The following JUP variants were observed in gnomAD, a reference collection of about 807,000 sequenced individuals.
JUP encodes catenin (cadherin-associated protein), gamma 80kDa.
Under a neutral mutation model 71.1 loss-of-function variants are expected in JUP, and 28 were observed. The observed-to-expected ratio is 0.39, with a 90% CI of 0.29 to 0.54. The LOEUF (loss-of-function observed/expected upper bound fraction) is 0.54, where lower values mean the gene tolerates loss of function less well. JUP is among the 20% of genes least tolerant of loss of function. The pLI is 0.62. For synonymous variants in JUP, 401 were observed against 438.9 expected (o/e 0.91, Z 1.08); for missense variants, 869 against 1,030.1 (o/e 0.84, Z 2.14).
chr17:41,783,914 A>G lies in JUP; in HGVS notation c.-9+2674T>C, dbSNP rs1019579246. Among the ~76,000 whole-genome samples, 517 of 140,150 alleles carry G rather than the reference A, an allele frequency of 3.7e-3. 2 individuals carry two copies. The highest frequency in any genetic ancestry group is 0.012 in the African/African-American group (481 of 39,200). The allele number at this position is 140,150 out of a possible 152,430, so 91.9% of individuals were successfully genotyped here. Reference sequence around the variant, plus strand: ...ATCTCAAAAAAAAAAAAAAAAAAAAAAAAGAAAGTGCTTGGTTTCTGTAAA... The same window carrying G: ...ATCTCAAAAAAAAAAAAAAAAAAAAGAAAGAAAGTGCTTGGTTTCTGTAAA... On this transcript the variant is annotated intron_variant, in intron 1 of 13. Transcript: ENST00000393931.
chr17:41,761,121 G>A (rs1403520650), intron 8 of JUP, among the ~76,000 whole-genome samples: 3 of 152,106 alleles, frequency 2.0e-5, no homozygotes, highest in African/African-American at 7.2e-5. Flanking sequence ...GTGACACACA[G>A]CTAGCTCTCT....
rs1555599852 is a variant in JUP, at chr17:41,758,851, C to T, written c.1517G>A (p.Arg506Lys). The T allele has an allele frequency of 6.2e-7, 1 of 1,607,964 alleles. No homozygotes were observed. The highest frequency in any genetic ancestry group is 1.7e-5 in the Admixed American group (1 of 59,754). ...GTTGGCTGGGCACAGGGCCAGATTC[C>T]TGATCAAGCCGATGGTTGCCTGGCA... is the stretch of plus-strand genomic sequence containing the variant. ...PLVKATIGLI[R>K]NLALCPANHA... The change falls in exon 9 of 14, where the codon AGG becomes AAG. Residue 506 changes from arginine (R) to lysine (K), a missense_variant. By Grantham distance (26) the Arg-to-Lys change is conservative. Coordinates refer to ENST00000393931, the MANE Select transcript of JUP (RefSeq NM_002230.4).
rs782084645 is a variant in JUP, at chr17:41,755,733, G to A, written c.*11C>T. 2 of 1,571,734 alleles carry A rather than the reference G, an allele frequency of 1.3e-6. No individual in the cohort carries two copies. The highest frequency in any genetic ancestry group is 1.7e-6 in the Non-Finnish European group (2 of 1,155,004). On this transcript the variant is annotated 3_prime_UTR_variant, in exon 14 of 14. Coordinates refer to ENST00000393931, the MANE Select transcript of JUP (RefSeq NM_002230.4). ...GCCTGCAAAGAGGGGGCCGTACTGG[G>A]GCCAGGCCGCCTAGGCCAGCATGTG...
chr17:41,763,576 G>A (rs894329122), intron 7 of JUP, among the ~76,000 whole-genome samples: 12 of 152,150 alleles, frequency 7.9e-5, no homozygotes, highest in South Asian at 2.1e-4. Context: ...CTGAACCCAG[G>A]CTTGGCTCTA....
At chr17:41,761,753 C>CA (rs1180310607) in intron 8 of JUP, among the ~76,000 whole-genome samples, 4,024 of 76,724 alleles carry the variant, frequency 0.052, 190 homozygotes, top group African/African-American at 0.15. Flanking sequence ...AACTCCGTCT[C>CA]AAAAAAAAAA....
intron 13 of JUP, 113 bp from the exon 14 acceptor site, chr17:41,756,008 C>T: frequency 7.8e-7 from 1 of 1,277,768 alleles, no homozygotes. Context: ...GTGGGCCTGA[C>T]CCCTCCCCAG....
chr17:41,760,218 C>T (rs1914574254), intron 8 of JUP, among the ~76,000 whole-genome samples: 1 of 151,682 alleles, frequency 6.6e-6, no homozygotes, highest in Non-Finnish European at 1.5e-5. Context: ...CACTTAGAGT[C>T]ATTCTTATCT....
At chr17:41,773,564 A>G (rs1381990231) in intron 1 of JUP, among the ~76,000 whole-genome samples, 1 of 152,152 alleles carries the variant, frequency 6.6e-6, no homozygotes, top group East Asian at 1.9e-4. Flanking sequence ...CAGGCATTCG[A>G]AAGTGTAGCT....
chr17:41,772,830 G>A (rs1288358562), intron 1 of JUP: 2 of 985,364 alleles, frequency 2.0e-6, no homozygotes, highest in Non-Finnish European at 2.4e-6. Context: ...GAAGGTTAAT[G>A]AGTAGCAGGG....
intron 2 of JUP, among the ~76,000 whole-genome samples, chr17:41,770,896 G>GAAT (rs1465584473): frequency 6.6e-6 from 1 of 152,210 alleles, no homozygotes; most frequent in Non-Finnish European, 1.5e-5. Context: ...ACCCAAAGGG[G>GAAT]AATCCCTGGG....
chr17:41,761,081 C>G (rs1914732999), intron 8 of JUP, among the ~76,000 whole-genome samples: 1 of 152,140 alleles, frequency 6.6e-6, no homozygotes, highest in Admixed American at 6.6e-5. Flanking sequence ...ACACCCTGAC[C>G]CACTCTCACT....
intron 1 of JUP, chr17:41,785,881 C>A (rs2047433431): frequency 1.2e-5 from 1 of 84,098 alleles, no homozygotes; most frequent in Non-Finnish European, 2.8e-5. Flanking sequence ...GAGCCCTGCA[C>A]CCCCCAGTCA....
chr17:41,767,646 A>G (rs1915945473), intron 4 of JUP, 66 bp from the exon 5 acceptor site: 1 of 1,350,110 alleles, frequency 7.4e-7, no homozygotes, highest in Non-Finnish European at 1.0e-6. Flanking sequence ...TGAGCCTGGC[A>G]TGGGTTCCCA....
In JUP at chr17:41,771,723, C is replaced by G; in HGVS notation, c.132G>C (p.Glu44Asp). ...VPSVSSKGIM[E>D]EDEACGRQYT... ...ACTGGCGCCCGCAGGCCTCATCCTC[C>G]TCCATGATGCCCTTGCTGCTGACGG... The change falls in exon 2 of 14, where the codon GAG becomes GAC. Residue 44 changes from glutamate (E) to aspartate (D), a missense_variant. Transcript: ENST00000393931. The G allele has an allele frequency of 1.2e-6, 2 of 1,614,178 alleles. No individual in the cohort carries two copies. Among genetic ancestry groups the G allele is most frequent in the Non-Finnish European group, 1.7e-6 (2 of 1,180,026 alleles).
Position 41,769,018 on chromosome 17 carries a change from G to C in JUP, c.658C>G (p.Leu220Val). 6.2e-7 allele frequency: 1 copy of C among 1,611,134 alleles called. No homozygotes were observed. Among genetic ancestry groups the C allele is most frequent in the South Asian group, 1.1e-5 (1 of 90,540 alleles). Residue 220 changes from leucine (L) to valine (V), a missense_variant, in exon 4 of 14, where the codon CTC becomes GTC. By Grantham distance (32) the Leu-to-Val change is conservative. Coordinates refer to ENST00000393931, the MANE Select transcript of JUP (RefSeq NM_002230.4). ...ATGCCACCCGACTTGAAGATGGCGAGCAGCCCCTCCCGGTGGTGGGAGAGG... is the reference window on the plus strand; with the variant it reads ...ATGCCACCCGACTTGAAGATGGCGACCAGCCCCTCCCGGTGGTGGGAGAGG... Reference protein sequence around the residue: ...HNLSHHREGLLAIFKSGGIPA... With the variant: ...HNLSHHREGLVAIFKSGGIPA...
intron 7 of JUP, 119 bp downstream of exon 7, chr17:41,764,594 A>C: frequency 1.4e-6 from 1 of 734,258 alleles, no homozygotes; most frequent in Non-Finnish European, 2.4e-6. Flanking sequence ...AGCCTCAGTC[A>C]CAAGGAAGAG....
At chr17:41,776,591 A>T (rs989831085) in intron 1 of JUP, among the ~76,000 whole-genome samples, 5 of 152,160 alleles carry the variant, frequency 3.3e-5, no homozygotes, top group African/African-American at 9.7e-5. Context: ...GGTGGCATGC[A>T]CCTGCAGTCC....
rs2143591648 is a variant in JUP at position 41,764,712 on chromosome 17, C to A, written c.1158+1G>T. 1 of 1,612,288 alleles carries A rather than the reference C, an allele frequency of 6.2e-7. No homozygotes were observed. The highest frequency in any genetic ancestry group is 2.2e-5 in the East Asian group (1 of 44,862). The stretch of plus-strand genomic sequence containing the variant: ...ACCCCAGGCCCAGATACCTCCCTCA[C>A]CTGCTTGGTGGCCACATCTGAGAGG... On this transcript the variant is annotated splice_donor_variant, in intron 7 of 13. Coordinates refer to ENST00000393931, the MANE Select transcript of JUP (RefSeq NM_002230.4). LOFTEE classifies it high-confidence loss of function.
intron 1 of JUP, among the ~76,000 whole-genome samples, chr17:41,773,223 G>A (rs1285106604): frequency 2.6e-5 from 4 of 152,218 alleles, no homozygotes; most frequent in African/African-American, 9.6e-5. Flanking sequence ...ACCAGGTGAG[G>A]GTGGGGTGGC....
Sources: gnomAD v4.1 joint callset for allele counts (sites outside exome capture counted in the v4.1 genomes callset) on GRCh38, gnomAD v4.1.1 for gene constraint, MANE v1.5 for transcripts, NCBI Gene and HGNC (gene_info 2026-07-23, HGNC 2026-07-21) for gene names.